SEC24C: variants seen among roughly 807,000 people sequenced by gnomAD.
The protein encoded by SEC24C is protein transport protein Sec24C.
SEC24C carries 22 observed loss-of-function variants against 117.0 expected under a neutral mutation model. That is an observed-to-expected ratio of 0.19 (90% CI 0.13 to 0.27). The LOEUF (loss-of-function observed/expected upper bound fraction) is 0.27, where lower values mean the gene tolerates loss of function less well. SEC24C is among the 10% of genes least tolerant of loss of function. SEC24C has a pLI of 1.00. For missense variants in SEC24C, 1,155 were observed against 1,375.1 expected (o/e 0.84, Z 2.53); for synonymous variants, 506 against 529.4 (o/e 0.96, Z 0.61).
In SEC24C at chr10:73,765,932, T is replaced by C; in HGVS notation, c.1482+17T>C. Reference sequence around the variant, plus strand: ...TACTGCAAGGTGAGGGAAGGTAGCATGGGAGGAGCAGTGAGTGGAGGATAA... The same window carrying C: ...TACTGCAAGGTGAGGGAAGGTAGCACGGGAGGAGCAGTGAGTGGAGGATAA... On this transcript the variant is annotated intron_variant, in intron 10 of 22. Coordinates refer to ENST00000345254, the MANE Select transcript of SEC24C (RefSeq NM_198597.3). 6.2e-7 allele frequency: 1 copy of C among 1,604,860 alleles called. No homozygotes were observed. Among genetic ancestry groups the C allele is most frequent in the Non-Finnish European group, 8.5e-7 (1 of 1,171,674 alleles).
chr10:73,772,093 T>G lies in SEC24C; in HGVS notation c.*998T>G. On this transcript the variant is annotated 3_prime_UTR_variant, in exon 23 of 23. Coordinates refer to ENST00000345254, the MANE Select transcript of SEC24C (RefSeq NM_198597.3). The stretch of plus-strand genomic sequence containing the variant: ...GGATGCCCCTGCTCTGGACCTCTCA[T>G]TTCTCTTCATTGGTTTATTTTTCAA... The G allele has an allele frequency of 5.9e-5, 23 of 390,848 alleles. No individual in the cohort carries two copies. The highest frequency in any genetic ancestry group is 1.5e-4 in the East Asian group (4 of 25,848). 24.2% of individuals were successfully genotyped at this position (390,848 alleles called of 1,614,324 possible). A position where few individuals can be genotyped will look rare whatever the true frequency, so the allele number is the denominator to read the frequency against.
intron 2 of SEC24C, 84 bp downstream of exon 2, chr10:73,747,088 T>A: frequency 7.7e-7 from 1 of 1,303,732 alleles, no homozygotes; most frequent in South Asian, 1.8e-5. Flanking sequence ...CTAGCTAAGC[T>A]ACCTGAGAAG....
chr10:73,765,982 T>C (rs2082876382), intron 10 of SEC24C, 67 bp downstream of exon 10: 1 of 1,583,542 alleles, frequency 6.3e-7, no homozygotes, highest in Non-Finnish European at 8.7e-7. Flanking sequence ...ATGGCTGTTA[T>C]CATTTCCCTC....
intron 1 of SEC24C, 194 bp from the exon 2 acceptor site, chr10:73,746,603 TCAGAATAA>T (rs2082556995): frequency 4.6e-6 from 2 of 438,700 alleles, no homozygotes; most frequent in South Asian, 4.7e-5. Flanking sequence ...GGGTGGATGG[TCAGAATAA>T]CAAAATCCTT....
rs200834483 is a variant in SEC24C at position 73,770,773 on chromosome 10, G to A, written c.3119G>A (p.Arg1040Gln). 379 of 1,614,066 alleles carry A rather than the reference G, an allele frequency of 2.3e-4. No individual in the cohort carries two copies. Among genetic ancestry groups the A allele is most frequent in the Non-Finnish European group, 6.9e-5 (82 of 1,180,008 alleles). ...GTTCGAGGCCTCATTGATAGCTTACGGGCACAGAGATCCCGGTACATGAAG... is the reference window on the plus strand; with the variant it reads ...GTTCGAGGCCTCATTGATAGCTTACAGGCACAGAGATCCCGGTACATGAAG... ...KKVRGLIDSL[R>Q]AQRSRYMKLT... The change falls in exon 22 of 23, where the codon CGG becomes CAG. Residue 1040 changes from arginine to glutamine, a missense_variant. By Grantham distance (43) the Arg-to-Gln change is conservative. This residue lies in a region of SEC24C where 759 missense variants were observed against 992.3 expected (regional missense o/e 0.76). Coordinates refer to ENST00000345254, the MANE Select transcript of SEC24C (RefSeq NM_198597.3).
chr10:73,758,223 A>C (rs1376023677), intron 3 of SEC24C, among the ~76,000 whole-genome samples: 1 of 152,114 alleles, frequency 6.6e-6, no homozygotes, highest in African/African-American at 2.4e-5. Flanking sequence ...CGACAGAGTG[A>C]GACTCTGTCT....
chr10:73,764,673 T>C lies in SEC24C; in HGVS notation c.1227+690T>C, dbSNP rs981233674. On this transcript the variant is annotated intron_variant, in intron 8 of 22. Transcript: ENST00000345254. Reference sequence around the variant, plus strand: ...CTGTCCTGTCATCCCAGGTTAGTGCTGTTAGAACAGCATATAAGAGAAAAG... The same window carrying C: ...CTGTCCTGTCATCCCAGGTTAGTGCCGTTAGAACAGCATATAAGAGAAAAG... 2.6e-5 allele frequency among the ~76,000 whole-genome samples: 4 copies of C among 152,220 alleles called. No homozygotes were observed. In the East Asian group the frequency reaches 7.7e-4, roughly 29 times the overall value.
rs774876860 is a variant in SEC24C, at chr10:73,767,842, G to A, written c.2016G>A (p.Leu672=). 3.7e-6 allele frequency: 6 copies of A among 1,609,264 alleles called. No homozygotes were observed. Among genetic ancestry groups the A allele is most frequent in the Non-Finnish European group, 5.1e-6 (6 of 1,177,422 alleles). The change falls in exon 15 of 23, where the codon CTG becomes CTA. Residue 672 remains leucine, a synonymous_variant. Transcript: ENST00000345254. ...CCCATTTTCTTTCCCCCTAGACTCTGTTCCAGCCTCAGACAGGTGCCTATC... is the reference window on the plus strand; with the variant it reads ...CCCATTTTCTTTCCCCCTAGACTCTATTCCAGCCTCAGACAGGTGCCTATC... ...KLINTDKEKT[L]FQPQTGAYQT...
At chr10:73,756,899 ATTTTTTTTTTTTTTTT>A (rs1172846982) in intron 3 of SEC24C, among the ~76,000 whole-genome samples, 3 of 41,898 alleles carry the variant, frequency 7.2e-5, no homozygotes, top group African/African-American at 2.1e-4. Flanking sequence ...TTCCTGGCCA[ATTTTTTTTTTTTTTTT>A]TTTTTTTTTT....
chr10:73,757,147 C>A (rs1474033858), intron 3 of SEC24C, among the ~76,000 whole-genome samples: 2 of 147,820 alleles, frequency 1.4e-5, no homozygotes, highest in Non-Finnish European at 3.0e-5. Context: ...CTCCTGACCT[C>A]AAATGATCCA....
rs1406416133 is a variant in SEC24C at position 73,771,124 on chromosome 10, G to C, written c.*29G>C. The stretch of plus-strand genomic sequence containing the variant: ...AAGTGGGTAAATGGCATAGGGCCCA[G>C]GCTAGCTTCCAGAAAGCACCCCAGG... On this transcript the variant is annotated 3_prime_UTR_variant, in exon 23 of 23. Coordinates refer to ENST00000345254, the MANE Select transcript of SEC24C (RefSeq NM_198597.3). 6.2e-7 allele frequency: 1 copy of C among 1,604,572 alleles called. No individual in the cohort carries two copies. Among genetic ancestry groups the C allele is most frequent in the African/African-American group, 1.3e-5 (1 of 74,424 alleles).
chr10:73,750,826 T>A (rs1295285970), intron 2 of SEC24C, among the ~76,000 whole-genome samples: 3 of 152,186 alleles, frequency 2.0e-5, no homozygotes, highest in African/African-American at 7.2e-5. Context: ...TTGGATTGAC[T>A]GAGAGTATGG....
At chr10:73,764,066 G>C in intron 8 of SEC24C, 83 bp downstream of exon 8, 1 of 1,457,816 alleles carries the variant, frequency 6.9e-7, no homozygotes, top group Non-Finnish European at 9.2e-7. Context: ...TGTGATTCCA[G>C]CTTCACAATG....
chr10:73,768,795 C>T lies in SEC24C; in HGVS notation c.2182-15C>T, dbSNP rs2082924899. Reference sequence around the variant, plus strand: ...GTCTAGTCAGTGACATGACTCTGGACCTGGGGGCCTGCAGGTGGAGAACGA... The same window carrying T: ...GTCTAGTCAGTGACATGACTCTGGATCTGGGGGCCTGCAGGTGGAGAACGA... On this transcript the variant is annotated splice_polypyrimidine_tract_variant and intron_variant, in intron 15 of 22. Transcript: ENST00000345254. 1 of 1,612,234 alleles carries T rather than the reference C, an allele frequency of 6.2e-7. No individual in the cohort carries two copies.
intron 6 of SEC24C, 29 bp from the exon 7 acceptor site, chr10:73,763,461 G>T (rs1443051848): frequency 7.0e-7 from 1 of 1,431,840 alleles, no homozygotes; most frequent in Non-Finnish European, 9.8e-7. Flanking sequence ...TTTTTCTTCT[G>T]TCACCTCATT....
At chr10:73,757,198 G>A (rs1782043989) in intron 3 of SEC24C, among the ~76,000 whole-genome samples, 2 of 144,930 alleles carry the variant, frequency 1.4e-5, no homozygotes, top group East Asian at 2.1e-4. Flanking sequence ...ACAGGCATGA[G>A]CCACTGCACC....
At chr10:73,761,129 A>C (rs2132553006) in intron 6 of SEC24C, among the ~76,000 whole-genome samples, 1 of 152,334 alleles carries the variant, frequency 6.6e-6, no homozygotes, top group Non-Finnish European at 1.5e-5. Context: ...ACTACTGTAC[A>C]TACATAGTAT....
rs1303062093 is a variant in SEC24C at position 73,764,522 on chromosome 10, T to C, written c.1227+539T>C. On this transcript the variant is annotated intron_variant, in intron 8 of 22. Coordinates refer to ENST00000345254, the MANE Select transcript of SEC24C (RefSeq NM_198597.3). The stretch of plus-strand genomic sequence containing the variant: ...CTGGGCAACAGAGCGAGACTCTGTC[T>C]CAAAAAAAAAAAAAAAAACAAGAGG... Among the ~76,000 whole-genome samples the C allele has an allele frequency of 4.5e-5, 5 of 111,128 alleles. No homozygotes were observed. In the East Asian group the frequency reaches 1.3e-3, roughly 29 times the overall value. 72.9% of individuals were successfully genotyped at this position (111,128 alleles called of 152,430 possible). A position where few individuals can be genotyped will look rare whatever the true frequency, so the allele number is the denominator to read the frequency against.
intron 2 of SEC24C, among the ~76,000 whole-genome samples, chr10:73,747,278 G>A (rs578247238): frequency 1.3e-5 from 2 of 152,266 alleles, no homozygotes; most frequent in African/African-American, 4.8e-5. Context: ...TGCCTCCTGG[G>A]CTTAAGCACT....
Sources: allele counts gnomAD v4.1 joint callset (sites outside exome capture counted in the v4.1 genomes callset), GRCh38; gene constraint gnomAD v4.1.1; regional missense constraint gnomAD v4.1.1; transcripts MANE v1.5; gene names NCBI Gene and HGNC (gene_info 2026-07-23, HGNC 2026-07-21).